ARFGAP3: variants seen among roughly 807,000 people sequenced by gnomAD.
ARFGAP3 encodes the protein ADP-ribosylation factor GTPase-activating protein 3.
In ARFGAP3, 72 loss-of-function variants were observed where a neutral mutation model predicts 75.0. The ratio of observed to expected loss-of-function variants is 0.96; its 90% CI spans 0.79 to 1.17. The LOEUF is 1.17. ARFGAP3 is among the 50% of genes most tolerant of loss of function. ARFGAP3 has a pLI of 0.00. For missense variants in ARFGAP3, 620 were observed against 626.6 expected, an observed-to-expected ratio of 0.99 and a Z score of 0.11; for synonymous variants, 221 against 217.9, an observed-to-expected ratio of 1.01 and a Z score of -0.13.
chr22:42,836,197 G>T (rs186411678), intron 3 of ARFGAP3, among the ~76,000 whole-genome samples: 1 of 151,982 alleles, frequency 6.6e-6, no homozygotes, highest in Non-Finnish European at 1.5e-5. Flanking sequence ...TGCTAGTCTT[G>T]AACTCCTGAG....
chr22:42,832,442 A>T (rs1279684494), intron 5 of ARFGAP3, among the ~76,000 whole-genome samples: 2 of 151,674 alleles, frequency 1.3e-5, no homozygotes, highest in African/African-American at 4.8e-5. Flanking sequence ...GAGGCAGGAG[A>T]ATCACCTGAA....
At chr22:42,837,675 CTTTTTTTTT>C (rs71186547) in intron 3 of ARFGAP3, among the ~76,000 whole-genome samples, 921 of 75,694 alleles carry the variant, frequency 0.012, 39 homozygotes, top group African/African-American at 0.056. Context: ...AGGCATACTT[CTTTTTTTTT>C]TTTTTTTTTT....
chr22:42,797,617 A>C lies in ARFGAP3; in HGVS notation c.1534-12T>G. On this transcript the variant is annotated splice_polypyrimidine_tract_variant and intron_variant, in intron 15 of 15. Coordinates refer to ENST00000263245, the MANE Select transcript of ARFGAP3 (RefSeq NM_014570.5). ...GAACCGTAGCGATCCTGAAGAGAGAACCAAAATGGAAGTTCACGACCATTC... is the reference window on the plus strand; with the variant it reads ...GAACCGTAGCGATCCTGAAGAGAGACCCAAAATGGAAGTTCACGACCATTC... The C allele has an allele frequency of 1.2e-6, 2 of 1,614,042 alleles. No individual in the cohort carries two copies. Among genetic ancestry groups the C allele is most frequent in the Non-Finnish European group, 1.7e-6 (2 of 1,179,934 alleles).
At chr22:42,799,405 G>A (rs1924756959) in intron 14 of ARFGAP3, 1 of 211,688 alleles carries the variant, frequency 4.7e-6, no homozygotes, top group Admixed American at 6.5e-5. Context: ...TTCAAATCCT[G>A]GCACTGTCAC....
intron 3 of ARFGAP3, among the ~76,000 whole-genome samples, chr22:42,840,347 C>G (rs1926724432): frequency 6.6e-6 from 1 of 152,166 alleles, no homozygotes; most frequent in Non-Finnish European, 1.5e-5. Context: ...TGTCCAACTC[C>G]AAAACCCATC....
chr22:42,814,254 G>A (rs1165989362), intron 11 of ARFGAP3, among the ~76,000 whole-genome samples: 1 of 152,184 alleles, frequency 6.6e-6, no homozygotes, highest in African/African-American at 2.4e-5. Flanking sequence ...TAATTTGAAA[G>A]CAATAAGAGC....
intron 2 of ARFGAP3, among the ~76,000 whole-genome samples, chr22:42,844,935 T>G (rs1926946382): frequency 1.3e-5 from 2 of 152,210 alleles, no homozygotes; most frequent in African/African-American, 4.8e-5. Context: ...TGATTAAACC[T>G]GCAATGGCCC....
intron 6 of ARFGAP3, among the ~76,000 whole-genome samples, chr22:42,831,024 G>A (rs948529173): frequency 4.6e-5 from 7 of 151,554 alleles, no homozygotes; most frequent in Non-Finnish European, 8.8e-5. Flanking sequence ...GGTCGGCCAG[G>A]TGTGGTGGCT....
intron 1 of ARFGAP3, among the ~76,000 whole-genome samples, chr22:42,856,777 C>T (rs1222335901): frequency 6.6e-6 from 1 of 151,364 alleles, no homozygotes; most frequent in African/African-American, 2.4e-5. Context: ...TCCCTCCTCG[C>T]AGCGCCCCCG....
intron 11 of ARFGAP3, among the ~76,000 whole-genome samples, chr22:42,814,688 A>T (rs1297268134): frequency 1.3e-5 from 2 of 152,222 alleles, no homozygotes; most frequent in Non-Finnish European, 2.9e-5. Flanking sequence ...AACCTCACTT[A>T]GAGCTTTCTT....
chr22:42,822,814 T>C (rs1431172200), intron 8 of ARFGAP3, among the ~76,000 whole-genome samples: 3 of 152,180 alleles, frequency 2.0e-5, no homozygotes, highest in Non-Finnish European at 4.4e-5. Flanking sequence ...TTTTTATTTT[T>C]TTTTACTTTT....
At chr22:42,851,961 G>A (rs539712254) in intron 1 of ARFGAP3, among the ~76,000 whole-genome samples, 99 of 152,296 alleles carry the variant, frequency 6.5e-4, no homozygotes, top group Admixed American at 3.1e-3. Context: ...ATCCCCATCA[G>A]GGCCAGCTTC....
Position 42,796,864 on chromosome 22 carries a change from G to A in ARFGAP3, c.*724C>T, listed in dbSNP as rs560183975. 6.6e-6 allele frequency: 1 copy of A among 152,216 alleles called. No individual in the cohort carries two copies. Among genetic ancestry groups the A allele is most frequent in the South Asian group, 2.1e-4 (1 of 4,820 alleles). 9.4% of individuals were successfully genotyped at this position (152,216 alleles called of 1,614,324 possible). A position where few individuals can be genotyped will look rare whatever the true frequency, so the allele number is the denominator to read the frequency against. On this transcript the variant is annotated 3_prime_UTR_variant, in exon 16 of 16. Coordinates refer to ENST00000263245, the MANE Select transcript of ARFGAP3 (RefSeq NM_014570.5). ...TTAACTCTGTATACCGTATTGATTT[G>A]TGATGAGATGATTTATTATGAGAAC...
intron 1 of ARFGAP3, among the ~76,000 whole-genome samples, chr22:42,849,020 C>T (rs138847503): frequency 8.2e-4 from 125 of 152,298 alleles, no homozygotes; most frequent in Middle Eastern, 6.8e-3. Context: ...GTCTTGAGGA[C>T]ACTCAGGTTG....
chr22:42,843,094 A>G (rs1926858711), intron 2 of ARFGAP3, among the ~76,000 whole-genome samples: 1 of 151,396 alleles, frequency 6.6e-6, no homozygotes, highest in African/African-American at 2.4e-5. Flanking sequence ...CGACCCCCCA[A>G]CCACATCCCC....
In ARFGAP3 at chr22:42,847,540, T is replaced by C. The variant is rs199631793; in HGVS notation, c.162A>G (p.Ser54=). 5.0e-5 allele frequency: 81 copies of C among 1,613,398 alleles called. No individual in the cohort carries two copies. Among genetic ancestry groups the C allele is most frequent in the Non-Finnish European group, 6.5e-5 (77 of 1,179,656 alleles). The change falls in exon 2 of 16, where the codon TCA becomes TCG. Residue 54 remains serine (S), a synonymous_variant. Transcript: ENST00000263245. ...GAATAAAACTCAAGTGAACACCAAG[T>C]GACCGGTGGGACCCTGAGCAATCAA... ...LCIDCSGSHR[S]LGVHLSFIRS... is the part of the protein sequence containing the mutation.
rs886306562 is a variant in ARFGAP3 at position 42,857,266 on chromosome 22, G to T, written c.-84C>A. 2 of 1,465,990 alleles carry T rather than the reference G, an allele frequency of 1.4e-6. No individual in the cohort carries two copies. Among genetic ancestry groups the T allele is most frequent in the Non-Finnish European group, 1.8e-6 (2 of 1,102,332 alleles). The allele number at this position is 1,465,990 out of a possible 1,614,324, so 90.8% of individuals were successfully genotyped here. On this transcript the variant is annotated 5_prime_UTR_variant, in exon 1 of 16. Transcript: ENST00000263245. The stretch of plus-strand genomic sequence containing the variant: ...CGGCTACCGCCTCAGCAGGAGCGAC[G>T]AGGCCGCGGGGGCGGGGCTGCGCGT...
chr22:42,816,047 G>A (rs866443980), intron 11 of ARFGAP3, among the ~76,000 whole-genome samples: 4 of 152,208 alleles, frequency 2.6e-5, no homozygotes, highest in Non-Finnish European at 5.9e-5. Flanking sequence ...CTGGGAGGTG[G>A]AGGTTGCAGT....
intron 2 of ARFGAP3, among the ~76,000 whole-genome samples, chr22:42,841,281 CTT>C (rs1926770015): frequency 6.6e-6 from 1 of 152,206 alleles, no homozygotes; most frequent in Non-Finnish European, 1.5e-5. Context: ...GACACCAACT[CTT>C]TGCCTCCCAT....
Sources: gnomAD v4.1 joint callset for allele counts (sites outside exome capture counted in the v4.1 genomes callset) on GRCh38, gnomAD v4.1.1 for gene constraint, MANE v1.5 for transcripts, NCBI Gene and HGNC (gene_info 2026-07-23, HGNC 2026-07-21) for gene names.